GCSAML: variants seen among roughly 807,000 people sequenced by gnomAD.
GCSAML encodes germinal center associated signaling and motility like.
GCSAML carries 9 observed loss-of-function variants against 13.0 expected under a neutral mutation model. The ratio of observed to expected loss-of-function variants is 0.69; its 90% CI spans 0.42 to 1.21. The LOEUF (loss-of-function observed/expected upper bound fraction) is 1.21, where lower values mean the gene tolerates loss of function less well. Among genes scored for constraint, GCSAML ranks in the 50% most tolerant of loss-of-function variants. The pLI, the probability that GCSAML is intolerant of heterozygous loss-of-function variation, is 0.00. For synonymous variants in GCSAML, 37 were observed against 52.9 expected, an observed-to-expected ratio of 0.70 and a Z score of 1.31; for missense variants, 143 against 153.4, an observed-to-expected ratio of 0.93 and a Z score of 0.36.
intron 1 of GCSAML, among the ~76,000 whole-genome samples, chr1:247,516,933 G>A (rs1048842477): frequency 6.6e-6 from 1 of 152,100 alleles, no homozygotes; most frequent in African/African-American, 2.4e-5. Context: ...TTAATAATGT[G>A]AATATTTAGT....
Position 247,574,831 on chromosome 1 carries a change from C to T in GCSAML, c.*449C>T, listed in dbSNP as rs917564040. On this transcript the variant is annotated 3_prime_UTR_variant, in exon 5 of 5. Transcript: ENST00000366488. ...CCTTTTGGAGTTTATGCACAAGTGA[C>T]CAGGATGAGTCATAAGACTGATGAA... The T allele has an allele frequency of 1.6e-5, 3 of 184,862 alleles. No homozygotes were observed. Among genetic ancestry groups the T allele is most frequent in the African/African-American group, 7.1e-5 (3 of 41,980 alleles). 11.5% of individuals were successfully genotyped at this position (184,862 alleles called of 1,614,324 possible). A position where few individuals can be genotyped will look rare whatever the true frequency, so the allele number is the denominator to read the frequency against.
chr1:247,538,477 C>T (rs1467871780), intron 2 of GCSAML, among the ~76,000 whole-genome samples: 3 of 152,064 alleles, frequency 2.0e-5, no homozygotes, highest in African/African-American at 7.2e-5. Context: ...TGCCCTACAC[C>T]CATTCATATG....
intron 1 of GCSAML, among the ~76,000 whole-genome samples, chr1:247,514,376 C>CT (rs1666144541): frequency 6.6e-6 from 1 of 152,098 alleles, no homozygotes; most frequent in Non-Finnish European, 1.5e-5. Flanking sequence ...GATATTAGTC[C>CT]TTTTTTGGAT....
At chr1:247,518,762 G>A (rs1666312320) in intron 1 of GCSAML, among the ~76,000 whole-genome samples, 1 of 152,252 alleles carries the variant, frequency 6.6e-6, no homozygotes, top group South Asian at 2.1e-4. Flanking sequence ...GCCAAGGCGG[G>A]CAGATCGCTT....
rs1435868509 is a variant in GCSAML, at chr1:247,526,808, G to A, written c.-262-132G>A. On this transcript the variant is annotated intron_variant, in intron 1 of 5. Coordinates refer to the GCSAML transcript ENST00000366489. The surrounding 1 kb of genome is among the most constrained non-coding windows in gnomAD (Gnocchi z 4.8). The stretch of plus-strand genomic sequence containing the variant: ...AATTCTGACATATTCGGCTGAAAAG[G>A]GACCTGGCATCGAAAGACAAGTGGT... The A allele has an allele frequency of 2.8e-6, 1 of 361,272 alleles. No individual in the cohort carries two copies. Among genetic ancestry groups the A allele is most frequent in the Non-Finnish European group, 5.4e-6 (1 of 185,164 alleles). 22.4% of individuals were successfully genotyped at this position (361,272 alleles called of 1,614,324 possible).
intron 1 of GCSAML, among the ~76,000 whole-genome samples, chr1:247,523,997 T>C (rs947575299): frequency 2.7e-5 from 4 of 147,736 alleles, no homozygotes; most frequent in South Asian, 2.2e-4. Flanking sequence ...ACATCTGTCT[T>C]ACACACACAC....
intron 1 of GCSAML, among the ~76,000 whole-genome samples, chr1:247,509,268 A>G (rs1311125089): frequency 6.6e-6 from 1 of 152,118 alleles, no homozygotes; most frequent in African/African-American, 2.4e-5. Context: ...CTTTGTAGCA[A>G]TTGTGAATGG....
chr1:247,538,696 A>G (rs1338889516), intron 2 of GCSAML: 1 of 455,436 alleles, frequency 2.2e-6, no homozygotes, highest in African/African-American at 2.0e-5. Flanking sequence ...AGATGAGGAC[A>G]CAGCAAGCAG....
intron 2 of GCSAML, among the ~76,000 whole-genome samples, chr1:247,558,376 T>C (rs1001678258): frequency 7.2e-5 from 11 of 152,214 alleles, no homozygotes; most frequent in Non-Finnish European, 1.5e-5. Flanking sequence ...ATGAGCTCTT[T>C]CAAGTCACTT....
upstream of GCSAML, among the ~76,000 whole-genome samples, chr1:247,548,075 G>C (rs1667637839): frequency 1.3e-5 from 2 of 152,180 alleles, no homozygotes; most frequent in South Asian, 4.1e-4. The surrounding 1 kb of genome is among the most constrained non-coding windows in gnomAD (Gnocchi z 5.3). Flanking sequence ...CCTCAGTCCT[G>C]ATTTCCTCAT....
intron 4 of GCSAML, among the ~76,000 whole-genome samples, chr1:247,573,815 C>T (rs890051528): frequency 2.0e-5 from 3 of 152,176 alleles, no homozygotes; most frequent in Non-Finnish European, 4.4e-5. Context: ...TTCTTCCTAT[C>T]CTTGAACATG....
chr1:247,542,362 A>G (rs1667443741), intron 2 of GCSAML, among the ~76,000 whole-genome samples: 1 of 152,240 alleles, frequency 6.6e-6, no homozygotes, highest in African/African-American at 2.4e-5. Context: ...TTTCAATGCA[A>G]AGTAACTCCT....
At chr1:247,572,265 T>C (rs1349200883) in intron 4 of GCSAML, among the ~76,000 whole-genome samples, 2 of 152,202 alleles carry the variant, frequency 1.3e-5, no homozygotes, top group African/African-American at 2.4e-5. Flanking sequence ...TGTGATCTTT[T>C]GGAGGAGAAG....
rs1416766947 is a variant in GCSAML, at chr1:247,563,025, A to AT, written c.90-561dup. ...CAGCTCATTTTTTTTTTTTTTTTGTATTTTAGTAGAGACGGGGTCTCACCG... is the reference window on the plus strand; with the variant it reads ...CAGCTCATTTTTTTTTTTTTTTTGTATTTTTAGTAGAGACGGGGTCTCACCG... On this transcript the variant is annotated intron_variant, in intron 2 of 4. Coordinates refer to ENST00000366488, the MANE Select transcript of GCSAML (RefSeq NM_145278.5). Among the ~76,000 whole-genome samples, 132 of 100,308 alleles carry AT rather than the reference A, an allele frequency of 1.3e-3. No individual in the cohort carries two copies. The East Asian group carries it at 0.027, about 21-fold the overall frequency. 65.8% of individuals were successfully genotyped at this position (100,308 alleles called of 152,430 possible).
In GCSAML at chr1:247,520,706, ATTTCT is replaced by A. The variant is rs761274997; in HGVS notation, c.-262-6228_-262-6224del. Among the ~76,000 whole-genome samples, 122 of 152,208 alleles carry A rather than the reference ATTTCT, an allele frequency of 8.0e-4. 2 individuals carry two copies. The highest frequency in any genetic ancestry group is 5.0e-4 in the Non-Finnish European group (34 of 68,004). On this transcript the variant is annotated intron_variant, in intron 1 of 5. Transcript: ENST00000366489. ...CTTTAGGTTAATGCGTAGTTTTCAA[ATTTCT>A]TTTCTCATGTTCAAATAGCTGTTTC... is the stretch of plus-strand genomic sequence containing the variant.
At chr1:247,554,112 C>A (rs1162263727) in intron 1 of GCSAML, among the ~76,000 whole-genome samples, 2 of 152,134 alleles carry the variant, frequency 1.3e-5, no homozygotes, top group Admixed American at 1.3e-4. Context: ...TTACATTTCT[C>A]TACTTTCTGG....
At chr1:247,554,427 A>G (rs968682691) in intron 1 of GCSAML, among the ~76,000 whole-genome samples, 1 of 152,030 alleles carries the variant, frequency 6.6e-6, no homozygotes, top group Admixed American at 6.6e-5. Flanking sequence ...ATTCTTTTCT[A>G]AGATTTGGTT....
At chr1:247,542,065 CTAAT>C (rs1228818130) in intron 2 of GCSAML, among the ~76,000 whole-genome samples, 1 of 149,946 alleles carries the variant, frequency 6.7e-6, no homozygotes, top group Non-Finnish European at 1.5e-5. Flanking sequence ...AAACTAATAA[CTAAT>C]AAATATGCTT....
At chr1:247,518,955 C>T (rs1299511404) in intron 1 of GCSAML, among the ~76,000 whole-genome samples, 1 of 152,064 alleles carries the variant, frequency 6.6e-6, no homozygotes, top group Non-Finnish European at 1.5e-5. Context: ...CACCACTGCA[C>T]TCCAGCCTGG....
Sources: allele counts gnomAD v4.1 joint callset (sites outside exome capture counted in the v4.1 genomes callset), GRCh38; gene constraint gnomAD v4.1.1; non-coding constraint Gnocchi (gnomAD v3.1); transcripts MANE v1.5; gene names NCBI Gene and HGNC (gene_info 2026-07-23, HGNC 2026-07-21).